ADORA2B: variants seen among roughly 807,000 people sequenced by gnomAD.
The protein encoded by ADORA2B is adenosine A2b receptor, also known as adenosine receptor A2b.
ADORA2B carries 18 observed loss-of-function variants against 20.8 expected under a neutral mutation model. The ratio of observed to expected loss-of-function variants is 0.87; its 90% CI spans 0.60 to 1.29. The LOEUF is 1.29. Among genes scored for constraint, ADORA2B ranks in the 50% most tolerant of loss-of-function variants. The probability of loss-of-function intolerance (pLI) is 0.00; values close to 1 mark genes in which losing one functional copy is unlikely to be tolerated. For synonymous variants in ADORA2B, 179 were observed against 178.3 expected (o/e 1.00, Z -0.03); for missense variants, 441 against 422.7 (o/e 1.04, Z -0.38).
the ADORA2B span, among the ~76,000 whole-genome samples, chr17:15,893,284 T>C: frequency 3.3e-5 from 5 of 152,236 alleles, no homozygotes; most frequent in Admixed American, 6.5e-5. Context: ...GAAATATCTC[T>C]AAGGTATTTA....
chr17:15,912,338 C>T, the ADORA2B span, among the ~76,000 whole-genome samples: 2 of 151,878 alleles, frequency 1.3e-5, no homozygotes, highest in Non-Finnish European at 2.9e-5. Flanking sequence ...TATGATTGCA[C>T]CACTGCACTC....
the ADORA2B span, among the ~76,000 whole-genome samples, chr17:15,888,231 C>T: frequency 7.7e-6 from 1 of 129,114 alleles, no homozygotes; most frequent in Admixed American, 7.7e-5. Context: ...GCAGACCACC[C>T]TGAAACACAG....
chr17:15,917,892 G>A, the ADORA2B span, among the ~76,000 whole-genome samples: 4 of 152,198 alleles, frequency 2.6e-5, no homozygotes, highest in Admixed American at 6.5e-5. Context: ...GCGAGTGCTC[G>A]GGCTCGGTCC....
At chr17:15,882,807 G>T in the ADORA2B span, among the ~76,000 whole-genome samples, 10 of 152,026 alleles carry the variant, frequency 6.6e-5, no homozygotes, top group Admixed American at 1.3e-4. Context: ...TTTCTTTGTC[G>T]TCTTTCCTCC....
At chr17:15,900,101 A>G in the ADORA2B span, among the ~76,000 whole-genome samples, 1 of 152,138 alleles carries the variant, frequency 6.6e-6, no homozygotes, top group Non-Finnish European at 1.5e-5. Context: ...AAGTGCTGGG[A>G]CTACAGGCAT....
At chr17:15,904,171 G>C in the ADORA2B span, among the ~76,000 whole-genome samples, 1 of 151,822 alleles carries the variant, frequency 6.6e-6, no homozygotes, top group Non-Finnish European at 1.5e-5. Context: ...ATAGAGACAG[G>C]GTCTTGCTAT....
chr17:15,907,700 C>T, the ADORA2B span, among the ~76,000 whole-genome samples: 1 of 152,202 alleles, frequency 6.6e-6, no homozygotes, highest in African/African-American at 2.4e-5. Context: ...TAAATGGTAA[C>T]ACTTAATGCT....
the ADORA2B span, among the ~76,000 whole-genome samples, chr17:15,868,286 G>A: frequency 5.2e-5 from 7 of 134,938 alleles, 2 homozygotes; most frequent in Non-Finnish European, 8.2e-5. Flanking sequence ...TTGTTCACTT[G>A]TTTATCTGTT....
the ADORA2B span, among the ~76,000 whole-genome samples, chr17:15,931,321 T>A: frequency 6.6e-6 from 1 of 152,222 alleles, no homozygotes; most frequent in East Asian, 1.9e-4. Flanking sequence ...CAACTCTTCA[T>A]CTTACTCCAG....
chr17:15,954,298 C>A (rs140913117), intron 1 of ADORA2B, among the ~76,000 whole-genome samples: 1 of 152,208 alleles, frequency 6.6e-6, no homozygotes, highest in East Asian at 1.9e-4. Context: ...TTTTTAGATG[C>A]CATCCATTAC....
intron 1 of ADORA2B, among the ~76,000 whole-genome samples, chr17:15,970,958 A>T (rs966395441): frequency 7.2e-5 from 11 of 152,144 alleles, no homozygotes; most frequent in African/African-American, 2.7e-4. Flanking sequence ...CTCTCTCTTC[A>T]TCAGGGAGTA....
chr17:15,964,862 C>T (rs530021710), intron 1 of ADORA2B, among the ~76,000 whole-genome samples: 284 of 152,000 alleles, frequency 1.9e-3, no homozygotes, highest in African/African-American at 5.7e-3. Context: ...GAGATCGAGA[C>T]CATCCTGGCT....
intron 1 of ADORA2B, among the ~76,000 whole-genome samples, chr17:15,957,501 G>A (rs1969982296): frequency 6.6e-6 from 1 of 152,174 alleles, no homozygotes; most frequent in Non-Finnish European, 1.5e-5. Context: ...TGACTCAGTT[G>A]GATGTGGACA....
intron 1 of ADORA2B, chr17:15,974,435 C>A: frequency 2.2e-6 from 1 of 452,712 alleles, no homozygotes; most frequent in Non-Finnish European, 3.9e-6. Context: ...TGTCATTGGC[C>A]ATCCTGTGTC....
intron 1 of ADORA2B, among the ~76,000 whole-genome samples, chr17:15,947,163 G>A (rs2151591886): frequency 6.6e-6 from 1 of 152,328 alleles, no homozygotes; most frequent in South Asian, 2.1e-4. Context: ...CCAAGGCTTA[G>A]GGAGGACAGC....
chr17:15,860,324 T>C, the ADORA2B span, among the ~76,000 whole-genome samples: 7 of 152,262 alleles, frequency 4.6e-5, no homozygotes, highest in East Asian at 1.4e-3. Context: ...TGCTACAGAA[T>C]GATTTCTGCT....
At chr17:15,916,288 A>G in the ADORA2B span, among the ~76,000 whole-genome samples, 5 of 152,242 alleles carry the variant, frequency 3.3e-5, no homozygotes, top group African/African-American at 1.2e-4. Context: ...TGCAGCTGGA[A>G]GCCCAGCAGG....
chr17:15,937,985 C>T, the ADORA2B span, among the ~76,000 whole-genome samples: 6 of 152,154 alleles, frequency 3.9e-5, no homozygotes, highest in Non-Finnish European at 7.4e-5. Flanking sequence ...CAGGCAACTG[C>T]GGTTTAAACT....
chr17:15,942,255 A>G (rs1322835439), upstream of ADORA2B, among the ~76,000 whole-genome samples: 1 of 152,042 alleles, frequency 6.6e-6, no homozygotes, highest in African/African-American at 2.4e-5. Context: ...TGCTGTCCTC[A>G]TGATAGTGAG....
Sources: allele counts gnomAD v4.1 joint callset (sites outside exome capture counted in the v4.1 genomes callset), GRCh38; gene constraint gnomAD v4.1.1; transcripts MANE v1.5; gene names NCBI Gene and HGNC (gene_info 2026-07-23, HGNC 2026-07-21).